Variants in CMIP observed in about 807,000 individuals in gnomAD.
CMIP encodes C-Maf-inducing protein.
CMIP carries 13 observed loss-of-function variants against 97.3 expected under a neutral mutation model. The ratio of observed to expected loss-of-function variants is 0.13; its 90% confidence interval spans 0.09 to 0.21. The LOEUF (loss-of-function observed/expected upper bound fraction) is 0.21. Among genes scored for constraint, CMIP ranks in the 10% least tolerant of loss-of-function variants. The pLI is 1.00. For missense variants in CMIP, 847 were observed against 1,024.9 expected, an observed-to-expected ratio of 0.83 and a Z score of 2.37; for synonymous variants, 538 against 436.3, an observed-to-expected ratio of 1.23 and a Z score of -2.91.
At chr16:81,451,803 C>G (rs538403738) in intron 1 of CMIP, among the ~76,000 whole-genome samples, 3 of 152,334 alleles carry the variant, frequency 2.0e-5, no homozygotes, top group Non-Finnish European at 2.9e-5. Flanking sequence ...TTTTTGTTCC[C>G]TGACTTCCTG....
At chr16:81,523,017 C>T (rs752622667) in intron 1 of CMIP, among the ~76,000 whole-genome samples, 2 of 152,150 alleles carry the variant, frequency 1.3e-5, no homozygotes, top group Non-Finnish European at 2.9e-5. Context: ...GCTTTGACCT[C>T]TGAGGCTCAA....
intron 1 of CMIP, among the ~76,000 whole-genome samples, chr16:81,514,313 C>A (rs1409483299): frequency 1.3e-5 from 2 of 152,110 alleles, no homozygotes. Flanking sequence ...GTGTGGCCAC[C>A]TCCAGAGGAT....
chr16:81,486,930 C>G (rs1346089668), intron 1 of CMIP, among the ~76,000 whole-genome samples: 3 of 152,264 alleles, frequency 2.0e-5, no homozygotes, highest in African/African-American at 7.2e-5. Context: ...ACTCCCCGGC[C>G]TCCTGGGGTT....
At chr16:81,490,119 T>C (rs1248366308) in intron 1 of CMIP, among the ~76,000 whole-genome samples, 1 of 152,152 alleles carries the variant, frequency 6.6e-6, no homozygotes, top group Non-Finnish European at 1.5e-5. Context: ...CTGACATCCC[T>C]CAGGGGCTGT....
intron 1 of CMIP, among the ~76,000 whole-genome samples, chr16:81,494,869 C>G (rs910617665): frequency 2.0e-5 from 3 of 152,190 alleles, no homozygotes; most frequent in Non-Finnish European, 4.4e-5. Flanking sequence ...CCCCTACTTG[C>G]CAGGTGCTTT....
rs1418886421 is a variant in CMIP, at chr16:81,664,304, C to T, written c.780C>T (p.Ile260=). Residue 260 remains isoleucine (I), a synonymous_variant, in exon 7 of 21, where the codon ATC becomes ATT. Transcript: ENST00000537098. The part of the protein sequence containing the change: ...CRERPRSMVV[I]EVFTPVVQRI... Reference sequence around the variant, plus strand: ...AGCGGCCCCGGTCCATGGTGGTCATCGAGGTGTTCACCCCCGTGGTGCAGC... The same window carrying T: ...AGCGGCCCCGGTCCATGGTGGTCATTGAGGTGTTCACCCCCGTGGTGCAGC... 3.7e-6 allele frequency: 6 copies of T among 1,602,756 alleles called. No individual in the cohort carries two copies. Among genetic ancestry groups the T allele is most frequent in the Non-Finnish European group, 4.3e-6 (5 of 1,175,274 alleles).
chr16:81,537,933 A>G (rs1478440627), intron 1 of CMIP, among the ~76,000 whole-genome samples: 1 of 152,108 alleles, frequency 6.6e-6, no homozygotes, highest in Non-Finnish European at 1.5e-5. Context: ...CCCTGGGTGC[A>G]GAGTCTTGGC....
intron 3 of CMIP, chr16:81,630,655 G>C (rs568802931): frequency 6.6e-6 from 1 of 152,366 alleles, no homozygotes; most frequent in African/African-American, 2.4e-5. Flanking sequence ...ATGGTGGGGA[G>C]GCAAGGATGG....
intron 1 of CMIP, among the ~76,000 whole-genome samples, chr16:81,467,110 C>A: frequency 6.6e-6 from 1 of 152,184 alleles, no homozygotes; most frequent in East Asian, 1.9e-4. Context: ...GAGCGAGTTT[C>A]CATCCCACCA....
At chr16:81,488,760 C>A (rs1053441777) in intron 1 of CMIP, among the ~76,000 whole-genome samples, 3 of 152,172 alleles carry the variant, frequency 2.0e-5, no homozygotes, top group Non-Finnish European at 4.4e-5. Context: ...GAACTCTCCC[C>A]ACAGCTCCTG....
At chr16:81,560,002 G>C (rs1049820468) in intron 1 of CMIP, among the ~76,000 whole-genome samples, 1 of 151,840 alleles carries the variant, frequency 6.6e-6, no homozygotes, top group African/African-American at 2.4e-5. Context: ...ACAAAAATTA[G>C]CGGGGCATAG....
At chr16:81,646,093 A>G (rs940233389) in intron 3 of CMIP, among the ~76,000 whole-genome samples, 7 of 146,362 alleles carry the variant, frequency 4.8e-5, no homozygotes, top group African/African-American at 1.7e-4. Context: ...TAGATGGGTG[A>G]TGAATGGATG....
intron 1 of CMIP, among the ~76,000 whole-genome samples, chr16:81,572,810 G>A (rs991328332): frequency 2.6e-5 from 4 of 152,072 alleles, no homozygotes; most frequent in African/African-American, 7.2e-5. Flanking sequence ...GGTTCACATC[G>A]AGCTTGGTGC....
chr16:81,477,337 T>A (rs10438612), intron 1 of CMIP, among the ~76,000 whole-genome samples: 1,596 of 152,240 alleles, frequency 0.01, 27 homozygotes, highest in African/African-American at 0.036. Context: ...ATTTTTATAT[T>A]TTTAGTAGAG....
chr16:81,653,774 A>G (rs1288825601), intron 4 of CMIP, among the ~76,000 whole-genome samples: 2 of 152,180 alleles, frequency 1.3e-5, no homozygotes, highest in Non-Finnish European at 2.9e-5. Flanking sequence ...CACCATGCCC[A>G]GCTAATTTTT....
At position 81,678,642 on chromosome 16, in the gene CMIP, C is replaced by T. The variant is rs755994674; in HGVS notation, c.1388+14C>T. ...CCTCAAGCTGCTGTGAGTGCCCCCCCCGCGTGCCCGCCCCCGGGGCCGGTG... is the reference window on the plus strand; with the variant it reads ...CCTCAAGCTGCTGTGAGTGCCCCCCTCGCGTGCCCGCCCCCGGGGCCGGTG... On this transcript the variant is annotated intron_variant, in intron 10 of 20. Coordinates refer to ENST00000537098, the MANE Select transcript of CMIP (RefSeq NM_198390.3). The T allele has an allele frequency of 1.5e-6, 2 of 1,322,288 alleles. No homozygotes were observed. Among genetic ancestry groups the T allele is most frequent in the Admixed American group, 1.8e-5 (1 of 55,420 alleles). The allele number at this position is 1,322,288 out of a possible 1,614,324, so 81.9% of individuals were successfully genotyped here.
At chr16:81,679,719 C>T (rs1904674223) in intron 10 of CMIP, among the ~76,000 whole-genome samples, 1 of 152,022 alleles carries the variant, frequency 6.6e-6, no homozygotes, top group Non-Finnish European at 1.5e-5. Flanking sequence ...CCCTGAACCT[C>T]AACTCTGTGA....
chr16:81,504,321 C>G (rs570997570), intron 1 of CMIP, among the ~76,000 whole-genome samples: 1 of 149,936 alleles, frequency 6.7e-6, no homozygotes, highest in Non-Finnish European at 1.5e-5. Context: ...GTGAGACTGT[C>G]TCAAAAAAAG....
At position 81,494,569 on chromosome 16, in the gene CMIP, A is replaced by C. The variant is rs181249436; in HGVS notation, c.300+49028A>C. Reference sequence around the variant, plus strand: ...AAGCACGGTATCAAAGAGGGTCAGGAGGAGCCCCAGCCGGCTCCCGTTCTG... The same window carrying C: ...AAGCACGGTATCAAAGAGGGTCAGGCGGAGCCCCAGCCGGCTCCCGTTCTG... On this transcript the variant is annotated intron_variant, in intron 1 of 20. Transcript: ENST00000537098. Among the ~76,000 whole-genome samples, 21 of 152,238 alleles carry C rather than the reference A, an allele frequency of 1.4e-4. 1 individual carries two copies. The highest frequency in any genetic ancestry group is 5.1e-4 in the African/African-American group (21 of 41,522).
Sources: gnomAD v4.1 joint callset for allele counts (sites outside exome capture counted in the v4.1 genomes callset) on GRCh38, gnomAD v4.1.1 for gene constraint, MANE v1.5 for transcripts, NCBI Gene and HGNC (gene_info 2026-07-23, HGNC 2026-07-21) for gene names.